The following ACLY variants were observed in gnomAD, a reference collection of about 807,000 sequenced individuals.
ACLY encodes ATP citrate lyase.
A neutral mutation model predicts 133.0 loss-of-function variants in ACLY; 41 were observed. The ratio of observed to expected loss-of-function variants is 0.31; its 90% CI spans 0.24 to 0.40. ACLY has a LOEUF of 0.40. ACLY is among the 10% of genes least tolerant of loss of function. ACLY has a pLI of 1.00. For missense variants in ACLY, 1,046 were observed against 1,453.8 expected (o/e 0.72, Z 4.56); for synonymous variants, 495 against 549.3 (o/e 0.90, Z 1.38).
intron 1 of ACLY, among the ~76,000 whole-genome samples, chr17:41,927,822 TC>T (rs1228983847): frequency 6.9e-6 from 1 of 145,224 alleles, no homozygotes; most frequent in African/African-American, 2.6e-5. Flanking sequence ...TGAGACTCCA[TC>T]TCAAAAAAAA....
intron 1 of ACLY, among the ~76,000 whole-genome samples, chr17:41,915,504 G>A (rs1555634354): frequency 1.3e-5 from 2 of 152,198 alleles, no homozygotes; most frequent in African/African-American, 4.8e-5. Flanking sequence ...TGGGGCTTCA[G>A]GTTCTCATCC....
intron 23 of ACLY, 54 bp from the exon 24 acceptor site, chr17:41,872,236 T>C: frequency 1.3e-6 from 2 of 1,554,896 alleles, no homozygotes; most frequent in Non-Finnish European, 1.8e-6. Context: ...ATGCTCGTAC[T>C]TTCCCCCATC....
intron 20 of ACLY, among the ~76,000 whole-genome samples, chr17:41,879,647 CAAAAAAAAAAAAAAAAAAAAAAAAA>C (rs558056100): frequency 2.3e-4 from 8 of 34,230 alleles, no homozygotes; most frequent in East Asian, 1.9e-3. Flanking sequence ...GACTCCGTCT[CAAAAAAAAAAAAAAAAAAAAAAAAA>C]AAAAAAAAAA....
chr17:41,905,209 T>C (rs1321024917), intron 9 of ACLY, among the ~76,000 whole-genome samples: 2 of 151,690 alleles, frequency 1.3e-5, no homozygotes, highest in South Asian at 2.1e-4. Context: ...GCAATCAGAG[T>C]TTATCGCAAT....
chr17:41,869,250 G>T, intron 26 of ACLY, 125 bp from the exon 27 acceptor site: 1 of 936,038 alleles, frequency 1.1e-6, no homozygotes, highest in Non-Finnish European at 1.7e-6. Context: ...CAGCCCCACT[G>T]GTCGACACTG....
rs151017433 is a variant in ACLY at position 41,874,142 on chromosome 17, T to C, written c.2488-177A>G. Among the ~76,000 whole-genome samples, 161 of 152,326 alleles carry C rather than the reference T, an allele frequency of 1.1e-3. 1 individual carries two copies. Among genetic ancestry groups the C allele is most frequent in the African/African-American group, 3.7e-3 (154 of 41,584 alleles). Reference sequence around the variant, plus strand: ...GAAAGAAGTGCAAAAGCCCTTTCATTAGATCATTTTGGACATAGAAAACAG... The same window carrying C: ...GAAAGAAGTGCAAAAGCCCTTTCATCAGATCATTTTGGACATAGAAAACAG... On this transcript the variant is annotated intron_variant, in intron 22 of 28. Transcript: ENST00000352035.
chr17:41,912,633 C>T (rs1476306556), intron 2 of ACLY, 91 bp from the exon 3 acceptor site: 4 of 1,506,916 alleles, frequency 2.7e-6, no homozygotes, highest in Non-Finnish European at 3.6e-6. Context: ...CAGGGATTGA[C>T]TTCCCATTCA....
intron 21 of ACLY, 57 bp from the exon 22 acceptor site, chr17:41,878,253 A>G: frequency 2.5e-6 from 3 of 1,216,034 alleles, no homozygotes; most frequent in South Asian, 3.2e-5. Flanking sequence ...GGGCTCCTGT[A>G]AGACATCCCA....
chr17:41,901,217 C>G (rs1555631554), intron 11 of ACLY, among the ~76,000 whole-genome samples: 1 of 151,966 alleles, frequency 6.6e-6, no homozygotes, highest in Non-Finnish European at 1.5e-5. Flanking sequence ...ACTTCGACCT[C>G]CCAAAGTACA....
chr17:41,892,881 T>C (rs1567898691), intron 15 of ACLY, 152 bp downstream of exon 15: 1 of 913,276 alleles, frequency 1.1e-6, no homozygotes, highest in African/African-American at 1.7e-5. Context: ...TCTCCCTATG[T>C]TGCCCAGGGC....
At chr17:41,904,839 G>C (rs782607530) in intron 9 of ACLY, 49 bp from the exon 10 acceptor site, 2 of 1,552,494 alleles carry the variant, frequency 1.3e-6, no homozygotes, top group Admixed American at 1.7e-5. Context: ...AGGTAGACTT[G>C]AGCATCTTCC....
At chr17:41,903,687 C>T (rs1210120741) in intron 10 of ACLY, among the ~76,000 whole-genome samples, 4 of 121,804 alleles carry the variant, frequency 3.3e-5, no homozygotes, top group African/African-American at 9.5e-5. Context: ...ATCCGGGAGG[C>T]GGAGGTTGCA....
upstream of ACLY, among the ~76,000 whole-genome samples, chr17:41,921,452 T>C (rs868976898): frequency 7.9e-4 from 105 of 132,738 alleles, no homozygotes; most frequent in African/African-American, 3.0e-3. Flanking sequence ...CACTCCAGCC[T>C]GGGCGACAGG....
intron 19 of ACLY, 44 bp from the exon 20 acceptor site, chr17:41,883,276 C>A (rs191593638): frequency 5.3e-5 from 81 of 1,538,230 alleles, no homozygotes; most frequent in Non-Finnish European, 3.6e-6. Flanking sequence ...TTAGTGCAGC[C>A]CATCCTGACG....
intron 20 of ACLY, among the ~76,000 whole-genome samples, chr17:41,882,122 G>A (rs541715811): frequency 8.2e-4 from 125 of 151,800 alleles, no homozygotes; most frequent in Middle Eastern, 3.4e-3. Context: ...TAATCCCAGC[G>A]CTTTGGGAGG....
chr17:41,885,802 T>G (rs1376231268), intron 18 of ACLY, among the ~76,000 whole-genome samples: 3 of 152,166 alleles, frequency 2.0e-5, no homozygotes, highest in South Asian at 4.1e-4. Context: ...TTGAACCTCT[T>G]TAGTCCAATT....
rs782247813 is a variant in ACLY, at chr17:41,867,805, C to G, written c.*5G>C. ...CAGTTTACTGCAGTAGGGTTCCTGG[C>G]TCTGTTACATGCTCATGTGTTCCGG... On this transcript the variant is annotated 3_prime_UTR_variant, in exon 29 of 29. Coordinates refer to ENST00000352035, the MANE Select transcript of ACLY (RefSeq NM_001096.3). 6.3e-5 allele frequency: 101 copies of G among 1,604,906 alleles called. No homozygotes were observed. The highest frequency in any genetic ancestry group is 8.3e-5 in the Non-Finnish European group (98 of 1,175,374).
At chr17:41,892,878 A>G (rs961945149) in intron 15 of ACLY, among the ~76,000 whole-genome samples, 155 bp downstream of exon 15, 4 of 151,932 alleles carry the variant, frequency 2.6e-5, no homozygotes, top group African/African-American at 7.3e-5. Flanking sequence ...GGGTCTCCCT[A>G]TGTTGCCCAG....
At chr17:41,922,352 C>T (rs1273392781), upstream of ACLY, among the ~76,000 whole-genome samples, 4 of 125,036 alleles carry the variant, frequency 3.2e-5, no homozygotes, top group Non-Finnish European at 4.7e-5. Context: ...GCACTCCAGG[C>T]TGGGTGACAG....
Sources: gnomAD v4.1 joint callset for allele counts (sites outside exome capture counted in the v4.1 genomes callset) on GRCh38, gnomAD v4.1.1 for gene constraint, MANE v1.5 for transcripts, NCBI Gene and HGNC (gene_info 2026-07-23, HGNC 2026-07-21) for gene names.